MYO5A: variants seen among roughly 807,000 people sequenced by gnomAD.
MYO5A encodes the protein myosin VA.
Under a neutral mutation model 249.7 loss-of-function variants are expected in MYO5A, and 98 were observed. The observed-to-expected ratio is 0.39, with a 90% CI of 0.33 to 0.46. The LOEUF is 0.46. Ranked by LOEUF, MYO5A falls within the 20% of genes least tolerant of loss-of-function variation. The pLI is 0.98. For synonymous variants in MYO5A, 778 were observed against 810.6 expected (o/e 0.96, Z 0.68); for missense variants, 1,696 against 2,308.8 (o/e 0.73, Z 5.44).
At chr15:52,357,242 T>C (rs1206280859) in intron 25 of MYO5A, among the ~76,000 whole-genome samples, 3 of 152,148 alleles carry the variant, frequency 2.0e-5, no homozygotes, top group Non-Finnish European at 4.4e-5. Flanking sequence ...TGTTCATTTA[T>C]GAATGATGTA....
chr15:52,401,418 C>T (rs2042750873), intron 9 of MYO5A, among the ~76,000 whole-genome samples: 1 of 152,260 alleles, frequency 6.6e-6, no homozygotes, highest in Non-Finnish European at 1.5e-5. Context: ...TCAATTCATT[C>T]TAGAAAGATA....
chr15:52,321,986 G>C (rs2038347390), intron 37 of MYO5A, among the ~76,000 whole-genome samples: 1 of 152,030 alleles, frequency 6.6e-6, no homozygotes, highest in South Asian at 2.1e-4. Context: ...CATACAAAAA[G>C]TTCTCTTTAC....
intron 14 of MYO5A, among the ~76,000 whole-genome samples, chr15:52,387,107 G>A (rs1456688506): frequency 6.6e-6 from 1 of 152,048 alleles, no homozygotes; most frequent in African/African-American, 2.4e-5. Context: ...CTAAGAAACT[G>A]GCTTCCTGCT....
Position 52,340,211 on chromosome 15 carries a change from C to T in MYO5A, c.4224G>A (p.Leu1408=). The T allele has an allele frequency of 6.2e-7, 1 of 1,614,120 alleles. No individual in the cohort carries two copies. The highest frequency in any genetic ancestry group is 8.5e-7 in the Non-Finnish European group (1 of 1,180,018). The change falls in exon 32 of 42, where the codon CTG becomes CTA. Residue 1408 remains leucine (L), a synonymous_variant. Transcript: ENST00000399233. Reference sequence around the variant, plus strand: ...CTCTCCTTACCAAGTTTTCGTTGGTCAGCCGGGTGATCTCGTGCTGCAGGC... The same window carrying T: ...CTCTCCTTACCAAGTTTTCGTTGGTTAGCCGGGTGATCTCGTGCTGCAGGC... ...EASLQHEITR[L]TNENLYFEEL...
chr15:52,497,484 C>T (rs977216106), intron 1 of MYO5A, among the ~76,000 whole-genome samples: 3 of 150,702 alleles, frequency 2.0e-5, no homozygotes, highest in East Asian at 1.9e-4. Context: ...TGGCTGGGTG[C>T]GGTGGCTCAC....
At chr15:52,359,885 G>C in intron 25 of MYO5A, 83 bp downstream of exon 25, 4 of 919,818 alleles carry the variant, frequency 4.3e-6, no homozygotes, top group Non-Finnish European at 7.0e-6. Flanking sequence ...TGGCCAATTG[G>C]AGTCTGCTTT....
chr15:52,386,395 A>G (rs1297526274), intron 14 of MYO5A, among the ~76,000 whole-genome samples: 1 of 152,190 alleles, frequency 6.6e-6, no homozygotes, highest in Non-Finnish European at 1.5e-5. Context: ...ACTTTGACAA[A>G]GTAATAAAAC....
intron 4 of MYO5A, among the ~76,000 whole-genome samples, chr15:52,416,543 T>C (rs2043502102): frequency 6.6e-6 from 1 of 152,030 alleles, no homozygotes; most frequent in Admixed American, 6.6e-5. Context: ...GGATATTTAT[T>C]ATTTAGGTGC....
intron 36 of MYO5A, among the ~76,000 whole-genome samples, chr15:52,325,044 C>T (rs1207444524): frequency 6.6e-6 from 1 of 152,126 alleles, no homozygotes; most frequent in Non-Finnish European, 1.5e-5. Flanking sequence ...GAAAATCATC[C>T]TATAGCTTAA....
At chr15:52,445,791 G>A (rs2075876962) in intron 1 of MYO5A, among the ~76,000 whole-genome samples, 2 of 152,316 alleles carry the variant, frequency 1.3e-5, no homozygotes, top group South Asian at 4.1e-4. Context: ...CGCCCTAGGG[G>A]ATCTGTGGAA....
chr15:52,464,293 G>A (rs1292879652), intron 1 of MYO5A, among the ~76,000 whole-genome samples: 1 of 152,156 alleles, frequency 6.6e-6, no homozygotes, highest in Non-Finnish European at 1.5e-5. Flanking sequence ...ACTCACTGGG[G>A]TCTTCTCCCT....
At chr15:52,359,044 C>T (rs1242073810) in intron 25 of MYO5A, among the ~76,000 whole-genome samples, 1 of 152,188 alleles carries the variant, frequency 6.6e-6, no homozygotes, top group Non-Finnish European at 1.5e-5. Context: ...CATTTATAAG[C>T]TGTGAACCTG....
chr15:52,523,396 C>T (rs1057227302), intron 1 of MYO5A, among the ~76,000 whole-genome samples: 68 of 152,186 alleles, frequency 4.5e-4, no homozygotes, highest in African/African-American at 1.6e-3. Context: ...ACTGATCATG[C>T]CAAACCATTA....
chr15:52,481,939 A>G (rs2076722992), intron 1 of MYO5A, among the ~76,000 whole-genome samples: 1 of 152,242 alleles, frequency 6.6e-6, no homozygotes, highest in Non-Finnish European at 1.5e-5. Context: ...GTTAGTAGAA[A>G]CAGGATATAA....
intron 39 of MYO5A, among the ~76,000 whole-genome samples, 190 bp from the exon 40 acceptor site, chr15:52,317,412 A>G (rs2038075793): frequency 6.6e-6 from 1 of 152,254 alleles, no homozygotes; most frequent in South Asian, 2.1e-4. Context: ...TCACCATTAT[A>G]TAAGACTAAA....
At chr15:52,442,855 G>C (rs182536351) in intron 1 of MYO5A, among the ~76,000 whole-genome samples, 2 of 150,928 alleles carry the variant, frequency 1.3e-5, no homozygotes, top group African/African-American at 4.9e-5. Context: ...TCCCAGGTTC[G>C]AGCGATTCTC....
At chr15:52,337,512 GT>G (rs1375249192) in intron 33 of MYO5A, among the ~76,000 whole-genome samples, 1 of 152,240 alleles carries the variant, frequency 6.6e-6, no homozygotes, top group African/African-American at 2.4e-5. Flanking sequence ...AAAGGGAACA[GT>G]TGCTATCTCT....
chr15:52,343,225 A>G, intron 30 of MYO5A, 28 bp from the exon 31 acceptor site: 1 of 1,576,548 alleles, frequency 6.3e-7, no homozygotes, highest in East Asian at 2.2e-5. Context: ...CAACAATGCA[A>G]AACACAAAAG....
At chr15:52,343,049 C>A in intron 31 of MYO5A, 68 bp downstream of exon 31, 1 of 1,274,036 alleles carries the variant, frequency 7.8e-7, no homozygotes, top group South Asian at 1.2e-5. Context: ...GGGTGAAAGT[C>A]AGGAGGTCAC....
Sources: allele counts gnomAD v4.1 joint callset (sites outside exome capture counted in the v4.1 genomes callset), GRCh38; gene constraint gnomAD v4.1.1; transcripts MANE v1.5; gene names NCBI Gene and HGNC (gene_info 2026-07-23, HGNC 2026-07-21).